Variants in SDC1 observed in about 807,000 individuals in gnomAD.
SDC1 encodes the protein syndecan 1.
A neutral mutation model predicts 29.7 loss-of-function variants in SDC1; 14 were observed. The ratio of observed to expected loss-of-function variants is 0.47; its 90% CI spans 0.31 to 0.74. The LOEUF is 0.74. SDC1 is among the 30% of genes least tolerant of loss of function. The pLI, the probability that SDC1 is intolerant of heterozygous loss-of-function variation, is 0.05. For missense variants in SDC1, 406 were observed against 400.3 expected (o/e 1.01, Z -0.12); for synonymous variants, 204 against 175.5 (o/e 1.16, Z -1.29).
At chr2:20,221,883 T>A (rs1677831971) in intron 1 of SDC1, among the ~76,000 whole-genome samples, 1 of 152,282 alleles carries the variant, frequency 6.6e-6, no homozygotes, top group African/African-American at 2.4e-5. Flanking sequence ...TCTAGAAGGC[T>A]CTGAGCCTGA....
chr2:20,207,413 C>G (rs1029224355), intron 1 of SDC1: 10 of 984,952 alleles, frequency 1.0e-5, no homozygotes, highest in Non-Finnish European at 1.2e-5. Flanking sequence ...CATGGCCCAT[C>G]TACAATAAAC....
Position 20,218,702 on chromosome 2 carries a change from AAG to A in SDC1, c.66+6098_66+6099del, listed in dbSNP as rs535897637. On this transcript the variant is annotated intron_variant, in intron 1 of 4. Transcript: ENST00000254351. ...ACACACACGGACGCACACAAACACAAAGAGACAGACACATAGAGGGACACACA... is the reference window on the plus strand; with the variant it reads ...ACACACACGGACGCACACAAACACAAAGACAGACACATAGAGGGACACACA... 4.7e-3 allele frequency among the ~76,000 whole-genome samples: 715 copies of A among 151,006 alleles called. 1 individual carries two copies. The highest frequency in any genetic ancestry group is 6.0e-3 in the Non-Finnish European group (408 of 67,650).
chr2:20,225,180 A>G (rs1263935255), upstream of SDC1: 1 of 159,360 alleles, frequency 6.3e-6, no homozygotes, highest in African/African-American at 3.1e-5. Flanking sequence ...CCCAGTCCAC[A>G]CCCCCCAGGA....
chr2:20,219,455 C>T (rs779347513), intron 1 of SDC1, among the ~76,000 whole-genome samples: 1 of 152,234 alleles, frequency 6.6e-6, no homozygotes, highest in Non-Finnish European at 1.5e-5. Flanking sequence ...GCTGAAGTAG[C>T]CCCAAGCCCA....
chr2:20,202,805 G>C lies in SDC1; in HGVS notation c.894C>G (p.Ala298=). 1 of 1,612,890 alleles carries C rather than the reference G, an allele frequency of 6.2e-7. No individual in the cohort carries two copies. Among genetic ancestry groups the C allele is most frequent in the East Asian group, 2.2e-5 (1 of 44,868 alleles). The change falls in exon 5 of 5, where the codon GCC becomes GCG. Residue 298 remains alanine (A), a synonymous_variant. Transcript: ENST00000254351. ...LEEPKQANGG[A]YQKPTKQEEF... ...CCTCCTGTTTGGTGGGCTTCTGGTAGGCCCCGCCGTTGGCTTGTTTCGGCT... is the reference window on the plus strand; with the variant it reads ...CCTCCTGTTTGGTGGGCTTCTGGTACGCCCCGCCGTTGGCTTGTTTCGGCT...
intron 2 of SDC1, 43 bp from the exon 3 acceptor site, chr2:20,204,334 G>T: frequency 7.2e-7 from 1 of 1,381,870 alleles, no homozygotes; most frequent in Non-Finnish European, 1.0e-6. Flanking sequence ...GTGGGGGGTG[G>T]GGAGGACCAG....
chr2:20,225,054 G>A lies in SDC1; in HGVS notation c.-187C>T. 2 of 653,464 alleles carry A rather than the reference G, an allele frequency of 3.1e-6. No individual in the cohort carries two copies. Among genetic ancestry groups the A allele is most frequent in the Non-Finnish European group, 2.1e-6 (1 of 478,854 alleles). The allele number at this position is 653,464 out of a possible 1,614,324, so 40.5% of individuals were successfully genotyped here. A position where few individuals can be genotyped will look rare whatever the true frequency, so the allele number is the denominator to read the frequency against. ...GCCGGATTCCTCTCCGCTCGGCTCGGATTCGGCCCGCACCTCTCCCGCCGA... is the reference window on the plus strand; with the variant it reads ...GCCGGATTCCTCTCCGCTCGGCTCGAATTCGGCCCGCACCTCTCCCGCCGA... On this transcript the variant is annotated 5_prime_UTR_variant, in exon 1 of 5. Transcript: ENST00000254351.
In SDC1 at chr2:20,203,979, T is replaced by C. The variant is rs761735600; in HGVS notation, c.461A>G (p.His154Arg). 1.1e-5 allele frequency: 18 copies of C among 1,613,488 alleles called. No individual in the cohort carries two copies. The East Asian group carries it at 3.8e-4, about 34-fold the overall frequency. Residue 154 changes from histidine to arginine, a missense_variant, in exon 3 of 5, where the codon CAC becomes CGC. By Grantham distance (29) the His-to-Arg change is conservative. Transcript: ENST00000254351. ...TAQEPATSHP[H>R]RDMQPGHHET... ...ATGGTGGCCAGGCTGCATGTCCCTGTGGGGGTGGGAGGTGGCGGGCTCCTG... is the reference window on the plus strand; with the variant it reads ...ATGGTGGCCAGGCTGCATGTCCCTGCGGGGGTGGGAGGTGGCGGGCTCCTG...
At position 20,202,160 on chromosome 2, in the gene SDC1, C is replaced by G; in HGVS notation, c.*606G>C. ...GTCTCCCGACCATAGATTAGGGAAG[C>G]AAGATGGGGGGATACCGAATCAACT... On this transcript the variant is annotated 3_prime_UTR_variant, in exon 5 of 5. Transcript: ENST00000254351. The G allele has an allele frequency of 1.6e-6, 1 of 625,242 alleles. No individual in the cohort carries two copies. Among genetic ancestry groups the G allele is most frequent in the South Asian group, 1.9e-5 (1 of 52,838 alleles). 38.7% of individuals were successfully genotyped at this position (625,242 alleles called of 1,614,324 possible).
chr2:20,210,945 AC>A (rs1292044416), intron 1 of SDC1, among the ~76,000 whole-genome samples: 1 of 103,368 alleles, frequency 9.7e-6, no homozygotes, highest in African/African-American at 3.8e-5. Flanking sequence ...AATCTTCTTT[AC>A]CCCCTTGGTT....
At chr2:20,213,278 C>G (rs576072969) in intron 1 of SDC1, among the ~76,000 whole-genome samples, 11 of 152,334 alleles carry the variant, frequency 7.2e-5, no homozygotes, top group South Asian at 2.1e-4. Context: ...TGCTTTCCCC[C>G]CCTGGCAAAA....
chr2:20,203,744 A>AG, intron 3 of SDC1, 69 bp downstream of exon 3: 1 of 1,152,746 alleles, frequency 8.7e-7, no homozygotes, highest in Non-Finnish European at 1.2e-6. Flanking sequence ...GCACAGGTGT[A>AG]GGGCCTGCCA....
At chr2:20,205,517 T>G in intron 1 of SDC1, 93 bp from the exon 2 acceptor site, 1 of 971,348 alleles carries the variant, frequency 1.0e-6, no homozygotes, top group Non-Finnish European at 1.6e-6. Flanking sequence ...GGACTCACCC[T>G]ACCCTGTGCT....
chr2:20,214,295 G>T (rs1229255008), intron 1 of SDC1, among the ~76,000 whole-genome samples: 1 of 152,060 alleles, frequency 6.6e-6, no homozygotes, highest in Non-Finnish European at 1.5e-5. Flanking sequence ...CTCAGATAAA[G>T]AACAATTCAG....
chr2:20,208,075 C>A, intron 1 of SDC1: 1 of 985,364 alleles, frequency 1.0e-6, no homozygotes, highest in Non-Finnish European at 1.2e-6. Context: ...TGTAGAGTGC[C>A]GAATCTTTCA....
intron 1 of SDC1, among the ~76,000 whole-genome samples, chr2:20,221,468 C>G (rs1207064221): frequency 6.6e-6 from 1 of 152,126 alleles, no homozygotes; most frequent in Non-Finnish European, 1.5e-5. Flanking sequence ...ATGTCCTAAC[C>G]CAGCACAATG....
chr2:20,203,950 T>C lies in SDC1; in HGVS notation c.490A>G (p.Thr164Ala). ...TGGCTGGGTCCTGCAGGGGTTGAGG[T>C]CTCATGGTGGCCAGGCTGCATGTCC... ...HRDMQPGHHE[T>A]STPAGPSQAD... The change falls in exon 3 of 5, where the codon ACC (threonine) becomes GCC (alanine). Residue 164 changes from threonine to alanine, a missense_variant. Transcript: ENST00000254351. 3 of 1,613,762 alleles carry C rather than the reference T, an allele frequency of 1.9e-6. No homozygotes were observed. Among genetic ancestry groups the C allele is most frequent in the Non-Finnish European group, 2.5e-6 (3 of 1,179,912 alleles).
Position 20,203,174 on chromosome 2 carries a change from C to T in SDC1, c.676G>A (p.Glu226Lys), listed in dbSNP as rs1292941883. 5.6e-6 allele frequency: 9 copies of T among 1,612,878 alleles called. No homozygotes were observed. Among genetic ancestry groups the T allele is most frequent in the Non-Finnish European group, 7.6e-6 (9 of 1,179,614 alleles). The change falls in exon 4 of 5, where the codon GAG becomes AAG. Residue 226 changes from glutamate (E) to lysine (K), a missense_variant. Glu to Lys is a moderately conservative substitution (Grantham distance 56). Coordinates refer to ENST00000254351, the MANE Select transcript of SDC1 (RefSeq NM_002997.5). ...GGGGACTGGTTCCGGCGGTCAGGCT[C>T]CACGGCCACTACAGCCGTATTCTCC... ...SGENTAVVAV[E>K]PDRRNQSPVD...
chr2:20,218,528 G>C (rs976322444), intron 1 of SDC1, among the ~76,000 whole-genome samples: 16 of 145,232 alleles, frequency 1.1e-4, no homozygotes, highest in Non-Finnish European at 7.4e-5. Context: ...CACACACACA[G>C]ACACACACAC....
Sources: gnomAD v4.1 joint callset for allele counts (sites outside exome capture counted in the v4.1 genomes callset) on GRCh38, gnomAD v4.1.1 for gene constraint, MANE v1.5 for transcripts, NCBI Gene and HGNC (gene_info 2026-07-23, HGNC 2026-07-21) for gene names.